SOX5: variants seen among roughly 807,000 people sequenced by gnomAD.
SOX5 encodes the protein SRY-box transcription factor 5.
In SOX5, 9 loss-of-function variants were observed where a neutral mutation model predicts 92.0. That is an observed-to-expected ratio of 0.10 (90% CI 0.06 to 0.17). The LOEUF (loss-of-function observed/expected upper bound fraction) is 0.17. SOX5 is among the 10% of genes least tolerant of loss of function. The pLI is 1.00. For synonymous variants in SOX5, 344 were observed against 336.3 expected (o/e 1.02, Z -0.25); for missense variants, 642 against 944.5 (o/e 0.68, Z 4.20).
chr12:23,753,948 G>A (rs1242857362), intron 4 of SOX5, among the ~76,000 whole-genome samples: 1 of 151,762 alleles, frequency 6.6e-6, no homozygotes, highest in Non-Finnish European at 1.5e-5. Context: ...ACCATGCCCT[G>A]AACAGAAGAA....
At chr12:24,455,997 A>T (rs1553672) in intron 1 of SOX5, among the ~76,000 whole-genome samples, 2 of 152,076 alleles carry the variant, frequency 1.3e-5, no homozygotes, top group Non-Finnish European at 2.9e-5. Flanking sequence ...ATCTCAGTCC[A>T]CTTCCTCCCT....
At chr12:24,355,394 G>A (rs1487640509) in intron 2 of SOX5, among the ~76,000 whole-genome samples, 2 of 133,984 alleles carry the variant, frequency 1.5e-5, no homozygotes, top group Admixed American at 8.8e-5. Context: ...TGTAAGCTCC[G>A]CCTCCCAGGT....
chr12:24,284,918 A>G (rs1368700089), intron 2 of SOX5, among the ~76,000 whole-genome samples: 1 of 152,234 alleles, frequency 6.6e-6, no homozygotes, highest in Non-Finnish European at 1.5e-5. Context: ...TGAGGTCAGG[A>G]GTTCGAGACC....
At chr12:24,434,164 A>T (rs905807103) in intron 1 of SOX5, among the ~76,000 whole-genome samples, 1 of 152,102 alleles carries the variant, frequency 6.6e-6, no homozygotes, top group Non-Finnish European at 1.5e-5. Context: ...GTTACCAATG[A>T]CCTTTACCAT....
intron 2 of SOX5, among the ~76,000 whole-genome samples, chr12:24,293,783 C>G (rs1946882318): frequency 6.6e-6 from 1 of 152,066 alleles, no homozygotes; most frequent in Non-Finnish European, 1.5e-5. Context: ...ATACTGATAC[C>G]AGTTTCTGAA....
intron 7 of SOX5, among the ~76,000 whole-genome samples, chr12:23,654,935 C>T (rs1006876954): frequency 2.0e-5 from 3 of 151,890 alleles, no homozygotes; most frequent in Non-Finnish European, 4.4e-5. Flanking sequence ...TTCTTAACTG[C>T]TTTGTCACAG....
chr12:23,673,148 A>T (rs565601764), intron 6 of SOX5, among the ~76,000 whole-genome samples: 4 of 152,192 alleles, frequency 2.6e-5, no homozygotes, highest in African/African-American at 7.2e-5. Context: ...CAGCTATTTC[A>T]TTTGCTAAAA....
At chr12:23,983,352 A>G (rs952763105) in intron 4 of SOX5, among the ~76,000 whole-genome samples, 2 of 152,168 alleles carry the variant, frequency 1.3e-5, no homozygotes, top group African/African-American at 4.8e-5. Flanking sequence ...CTTTCTGATT[A>G]GAAGTTTAGA....
intron 9 of SOX5, among the ~76,000 whole-genome samples, chr12:23,593,394 G>T (rs1951862965): frequency 6.6e-6 from 1 of 152,148 alleles, no homozygotes; most frequent in Non-Finnish European, 1.5e-5. Flanking sequence ...GCAGTAATGA[G>T]AAACCATATG....
At chr12:24,035,557 C>T (rs949720243) in intron 4 of SOX5, among the ~76,000 whole-genome samples, 1 of 151,926 alleles carries the variant, frequency 6.6e-6, no homozygotes, top group Admixed American at 6.6e-5. Context: ...CTTCTTTTAA[C>T]AGAAACCAAA....
chr12:23,690,688 G>A (rs1041123940), intron 6 of SOX5, among the ~76,000 whole-genome samples: 7 of 152,064 alleles, frequency 4.6e-5, no homozygotes, highest in African/African-American at 7.2e-5. Context: ...TCAACCTGTC[G>A]AATGGCCTTG....
At chr12:23,762,878 A>T (rs2094602668) in intron 3 of SOX5, among the ~76,000 whole-genome samples, 2 of 152,160 alleles carry the variant, frequency 1.3e-5, no homozygotes, top group Admixed American at 1.3e-4. Flanking sequence ...TTCTATACAA[A>T]AATCTCCACT....
chr12:23,923,180 C>T (rs888227890), intron 1 of SOX5, among the ~76,000 whole-genome samples: 1 of 152,064 alleles, frequency 6.6e-6, no homozygotes, highest in Non-Finnish European at 1.5e-5. Context: ...CTCCTGACCT[C>T]AATCTCGTGA....
chr12:23,541,247 A>G (rs1302306229), intron 13 of SOX5, among the ~76,000 whole-genome samples: 1 of 152,152 alleles, frequency 6.6e-6, no homozygotes, highest in Admixed American at 6.6e-5. Context: ...CAAAACTGAT[A>G]TTTCTCTTAT....
chr12:23,586,489 A>C (rs967380114), intron 9 of SOX5, among the ~76,000 whole-genome samples: 1 of 152,158 alleles, frequency 6.6e-6, no homozygotes, highest in African/African-American at 2.4e-5. Flanking sequence ...GGGGAAAAAA[A>C]AATTCTTGCA....
At position 24,078,384 on chromosome 12, in the gene SOX5, A is replaced by G. The variant is rs565548973; in HGVS notation, c.-2+134959T>C. 5.9e-5 allele frequency among the ~76,000 whole-genome samples: 9 copies of G among 152,198 alleles called. No homozygotes were observed. The South Asian group carries it at 1.9e-3, about 32-fold the overall frequency. ...GTTGTGGCTTTTGAATATGAGCCACAGTTATTGAACCTGTGATTACCTGGA... is the reference window on the plus strand; with the variant it reads ...GTTGTGGCTTTTGAATATGAGCCACGGTTATTGAACCTGTGATTACCTGGA... On this transcript the variant is annotated intron_variant, in intron 4 of 4. Transcript: ENST00000446891.
intron 4 of SOX5, among the ~76,000 whole-genome samples, chr12:24,138,859 G>T (rs1419145986): frequency 6.6e-6 from 1 of 152,144 alleles, no homozygotes; most frequent in Non-Finnish European, 1.5e-5. Context: ...GCTGAAGGAT[G>T]TTCAGGCTAT....
chr12:24,531,411 G>T (rs1180153695), intron 1 of SOX5, among the ~76,000 whole-genome samples: 1 of 151,984 alleles, frequency 6.6e-6, no homozygotes, highest in East Asian at 1.9e-4. Flanking sequence ...ATCTAAAAAT[G>T]GACACATTTT....
intron 4 of SOX5, among the ~76,000 whole-genome samples, chr12:24,093,337 C>A (rs996717645): frequency 1.3e-5 from 2 of 151,794 alleles, no homozygotes; most frequent in Admixed American, 1.3e-4. Context: ...CTGGCTAACA[C>A]GGTGAAACCC....
Sources: allele counts gnomAD v4.1 joint callset (sites outside exome capture counted in the v4.1 genomes callset), GRCh38; gene constraint gnomAD v4.1.1; transcripts MANE v1.5; gene names NCBI Gene and HGNC (gene_info 2026-07-23, HGNC 2026-07-21).